The following LRP8 variants were observed in gnomAD, a reference collection of about 807,000 sequenced individuals.
LRP8 encodes low-density lipoprotein receptor-related protein 8.
Under a neutral mutation model 111.6 loss-of-function variants are expected in LRP8, and 46 were observed. The ratio of observed to expected loss-of-function variants is 0.41; its 90% CI spans 0.33 to 0.53. The LOEUF (loss-of-function observed/expected upper bound fraction) is 0.53, where lower values mean the gene tolerates loss of function less well. LRP8 is among the 20% of genes least tolerant of loss of function. The pLI is 0.20. For missense variants in LRP8, 959 were observed against 1,297.4 expected, an observed-to-expected ratio of 0.74 and a Z score of 4.01; for synonymous variants, 464 against 511.2, an observed-to-expected ratio of 0.91 and a Z score of 1.24.
At position 53,262,669 on chromosome 1, in the gene LRP8, A is replaced by C; in HGVS notation, c.1656-105T>G. The C allele has an allele frequency of 1.1e-6, 1 of 872,300 alleles. No homozygotes were observed. The highest frequency in any genetic ancestry group is 1.9e-6 in the Non-Finnish European group (1 of 522,642). 54.0% of individuals were successfully genotyped at this position (872,300 alleles called of 1,614,324 possible). On this transcript the variant is annotated intron_variant, in intron 10 of 18. Transcript: ENST00000306052. This position sits in a 1 kb window ranked among gnomAD's most constrained non-coding sequence, Gnocchi z 4.8. ...CATTGACTAGTTGTGGTTTATGTTT[A>C]GTAGGGACTGAGAAGACCTCTAAAG...
At chr1:53,309,980 G>T (rs1219721284) in intron 2 of LRP8, among the ~76,000 whole-genome samples, 2 of 152,074 alleles carry the variant, frequency 1.3e-5, no homozygotes, top group East Asian at 3.9e-4. Context: ...GAGTCCCCAC[G>T]CCCCCAGCCA....
intron 2 of LRP8, among the ~76,000 whole-genome samples, chr1:53,324,709 A>G (rs915240265): frequency 6.6e-6 from 1 of 152,076 alleles, no homozygotes. Flanking sequence ...CCTGAGCGTC[A>G]CTCAGCACCC....
At chr1:53,280,746 GC>G in intron 3 of LRP8, 31 bp from the exon 4 acceptor site, 1 of 1,606,742 alleles carries the variant, frequency 6.2e-7, no homozygotes. Flanking sequence ...GCATAGCTTA[GC>G]CAAGGGGGAC....
chr1:53,271,709 C>T (rs754537645), intron 6 of LRP8, among the ~76,000 whole-genome samples: 2 of 152,140 alleles, frequency 1.3e-5, no homozygotes, highest in African/African-American at 4.8e-5. Context: ...CCTCCTTCCT[C>T]GTGACCTCAG....
rs565274539 is a variant in LRP8, at chr1:53,251,507, C to T, written c.2504-645G>A. Among the ~76,000 whole-genome samples, 15 of 151,444 alleles carry T rather than the reference C, an allele frequency of 9.9e-5. 1 individual carries two copies. The South Asian group carries it at 3.2e-3, about 32-fold the overall frequency. On this transcript the variant is annotated intron_variant, in intron 16 of 18. Transcript: ENST00000306052. ...TAATGATTAAAGGAGGAAGCTCTCT[C>T]CAACACAGCTGGGTAAAAATGGAGC...
chr1:53,311,871 T>C (rs2788033), intron 2 of LRP8, among the ~76,000 whole-genome samples: 43,758 of 152,096 alleles, frequency 0.29, 8,259 homozygotes, highest in African/African-American at 0.54. Flanking sequence ...ATCTGTACAA[T>C]GGGTGGAGTC....
At chr1:53,324,907 C>G (rs144141843) in intron 2 of LRP8, among the ~76,000 whole-genome samples, 117 of 152,344 alleles carry the variant, frequency 7.7e-4, no homozygotes, top group African/African-American at 2.8e-3. Flanking sequence ...TTCTGTCATC[C>G]TGAGCTGTGT....
At position 53,275,308 on chromosome 1, in the gene LRP8, C is replaced by G. The variant is rs1646883884; in HGVS notation, c.1006+323G>C. Among the ~76,000 whole-genome samples, 1 of 152,212 alleles carries G rather than the reference C, an allele frequency of 6.6e-6. No homozygotes were observed. The highest frequency in any genetic ancestry group is 1.5e-5 in the Non-Finnish European group (1 of 68,034). ...AAGGGGCTCCCTGGGGAGCAAGACT[C>G]AGCCTCTGCTCAGCCTGGGAACTAG... On this transcript the variant is annotated intron_variant, in intron 6 of 18. Coordinates refer to ENST00000306052, the MANE Select transcript of LRP8 (RefSeq NM_004631.5). The surrounding 1 kb of genome is among the most constrained non-coding windows in gnomAD (Gnocchi z 4.4).
At chr1:53,291,094 T>A (rs1333129347) in intron 2 of LRP8, among the ~76,000 whole-genome samples, 1 of 152,202 alleles carries the variant, frequency 6.6e-6, no homozygotes, top group Non-Finnish European at 1.5e-5. Flanking sequence ...TTTTGCTCTG[T>A]ATCCTCAAGC....
rs1646549350 is a variant in LRP8, at chr1:53,266,188, T to A, written c.1427+285A>T. 6.6e-6 allele frequency among the ~76,000 whole-genome samples: 1 copy of A among 152,202 alleles called. No individual in the cohort carries two copies. The highest frequency in any genetic ancestry group is 2.4e-5 in the African/African-American group (1 of 41,454). On this transcript the variant is annotated intron_variant, in intron 9 of 18. Coordinates refer to ENST00000306052, the MANE Select transcript of LRP8 (RefSeq NM_004631.5). The surrounding 1 kb of genome is among the most constrained non-coding windows in gnomAD (Gnocchi z 5.0). ...AGCCAGGATTTCTTCCTTTCTGCCC[T>A]GGCCAAACAGTTCCTGTGTCTTGTG...
intron 4 of LRP8, 25 bp from the exon 5 acceptor site, chr1:53,277,103 G>A (rs1012322665): frequency 3.9e-5 from 57 of 1,460,182 alleles, no homozygotes; most frequent in Non-Finnish European, 4.9e-5. Flanking sequence ...GAGCCGGTCG[G>A]CCCGCCGACC....
chr1:53,281,959 G>A lies in LRP8; in HGVS notation c.368-1244C>T, dbSNP rs76814400. Reference sequence around the variant, plus strand: ...AAGTTCTGGTCACAGAGCTGATAAAGAGCAGTGTTAGGATTGACTGAAAGT... The same window carrying A: ...AAGTTCTGGTCACAGAGCTGATAAAAAGCAGTGTTAGGATTGACTGAAAGT... On this transcript the variant is annotated intron_variant, in intron 3 of 18. Coordinates refer to ENST00000306052, the MANE Select transcript of LRP8 (RefSeq NM_004631.5). Among the ~76,000 whole-genome samples the A allele has an allele frequency of 3.2e-3, 482 of 152,338 alleles. 2 individuals carry two copies. The highest frequency in any genetic ancestry group is 0.011 in the African/African-American group (437 of 41,570).
intron 3 of LRP8, among the ~76,000 whole-genome samples, chr1:53,280,963 C>T (rs1425158109): frequency 1.3e-5 from 2 of 152,192 alleles, no homozygotes; most frequent in African/African-American, 2.4e-5. Context: ...GCCCTCAAGT[C>T]CCTTTGATCC....
Position 53,280,651 on chromosome 1 carries a change from G to A in LRP8, c.432C>T (p.Ala144=), listed in dbSNP as rs753410033. Residue 144 remains alanine, a synonymous_variant, in exon 4 of 19, where the codon GCC becomes GCT. Coordinates refer to ENST00000306052, the MANE Select transcript of LRP8 (RefSeq NM_004631.5). The part of the protein sequence containing the change: ...CGPTSHKCVP[A]SWRCDGEKDC... ...CCTTCTCCCCGTCGCAGCGCCACGA[G>A]GCAGGTACACACTTGTGGCTGGTGG... The A allele has an allele frequency of 6.8e-6, 11 of 1,613,414 alleles. No homozygotes were observed. Among genetic ancestry groups the A allele is most frequent in the Admixed American group, 1.7e-5 (1 of 60,010 alleles).
chr1:53,301,766 T>G (rs903314651), intron 2 of LRP8, among the ~76,000 whole-genome samples: 1 of 150,512 alleles, frequency 6.6e-6, no homozygotes, highest in South Asian at 2.1e-4. Flanking sequence ...CCCAAGGTCA[T>G]GTAGCTTGAG....
chr1:53,276,824 CG>C lies in LRP8; in HGVS notation c.750del (p.Ala252ProfsTer86), dbSNP rs1427778616. 7.9e-7 allele frequency: 1 copy of C among 1,265,358 alleles called. No homozygotes were observed. Among genetic ancestry groups the C allele is most frequent in the Non-Finnish European group, 1.0e-6 (1 of 1,002,814 alleles). The allele number at this position is 1,265,358 out of a possible 1,614,324, so 78.4% of individuals were successfully genotyped here. On this transcript the variant is annotated frameshift_variant, in exon 5 of 19. Transcript: ENST00000306052. LOFTEE classifies it high-confidence loss of function. ...EAAELCGRPG[P>X]GATSAPAACA... The stretch of plus-strand genomic sequence containing the variant: ...CAGGCGGCGGGCGCGGACGTGGCCC[CG>C]GGGCCCGGACGGCCGCAGAGCTCGG...
At position 53,294,024 on chromosome 1, in the gene LRP8, G is replaced by C. The variant is rs1250378756; in HGVS notation, c.245-4335C>G. Among the ~76,000 whole-genome samples the C allele has an allele frequency of 6.6e-6, 1 of 152,214 alleles. No homozygotes were observed. The highest frequency in any genetic ancestry group is 2.4e-5 in the African/African-American group (1 of 41,450). On this transcript the variant is annotated intron_variant, in intron 2 of 18. Coordinates refer to ENST00000306052, the MANE Select transcript of LRP8 (RefSeq NM_004631.5). The surrounding 1 kb of genome is among the most constrained non-coding windows in gnomAD (Gnocchi z 4.1). ...CCATATCAGCCCTGCCATGAGATGA[G>C]GGCTGTGCCGCCATTCTAAGGCTGT...
intron 2 of LRP8, among the ~76,000 whole-genome samples, chr1:53,321,021 G>T: frequency 6.6e-6 from 1 of 152,210 alleles, no homozygotes; most frequent in Non-Finnish European, 1.5e-5. Flanking sequence ...GCCCTCCCAG[G>T]GTTGTGAGTA....
intron 2 of LRP8, among the ~76,000 whole-genome samples, chr1:53,315,480 T>A (rs1653677080): frequency 1.3e-5 from 2 of 152,184 alleles, no homozygotes; most frequent in South Asian, 4.1e-4. Flanking sequence ...GGCGGCTCCA[T>A]CCTCCAGATG....
Sources: gnomAD v4.1 joint callset for allele counts (sites outside exome capture counted in the v4.1 genomes callset) on GRCh38, gnomAD v4.1.1 for gene constraint, Gnocchi (gnomAD v3.1) non-coding constraint, MANE v1.5 for transcripts, NCBI Gene and HGNC (gene_info 2026-07-23, HGNC 2026-07-21) for gene names.